Variants in MMP26 observed in about 807,000 individuals in gnomAD.
MMP26 encodes the protein matrix metalloproteinase-26.
Under a neutral mutation model 31.0 loss-of-function variants are expected in MMP26, and 33 were observed. The ratio of observed to expected loss-of-function variants is 1.06; its 90% confidence interval spans 0.81 to 1.42. The LOEUF (loss-of-function observed/expected upper bound fraction) is 1.42. MMP26 is among the 40% of genes most tolerant of loss of function. The probability of loss-of-function intolerance (pLI) is 0.00; values close to 1 mark genes in which losing one functional copy is unlikely to be tolerated. For synonymous variants in MMP26, 122 were observed against 114.9 expected (o/e 1.06, Z -0.40); for missense variants, 347 against 316.1 (o/e 1.10, Z -0.74).
intron 2 of MMP26, chr11:4,822,192 C>T: frequency 1.9e-6 from 3 of 1,602,158 alleles, no homozygotes; most frequent in Non-Finnish European, 2.6e-6. Flanking sequence ...ACCTCCCTCT[C>T]ATCAGTTTGT....
chr11:4,990,648 T>C lies in MMP26; in HGVS notation c.371T>C (p.Ile124Thr). The C allele has an allele frequency of 1.2e-6, 2 of 1,614,082 alleles. No individual in the cohort carries two copies. Among genetic ancestry groups the C allele is most frequent in the South Asian group, 1.1e-5 (1 of 91,074 alleles). Residue 124 changes from isoleucine (I) to threonine (T), a missense_variant, in exon 5 of 8, where the codon ATA becomes ACA. Coordinates refer to ENST00000380390, the MANE Select transcript of MMP26 (RefSeq NM_021801.5). ...DMKPSAVKDSIYNAVSIWSNV... is the reference protein window; with the variant it reads ...DMKPSAVKDSTYNAVSIWSNV... ...AAGCCATCCGCAGTGAAAGACAGTATATATAATGCAGTTTCCATCTGGAGC... is the reference window on the plus strand; with the variant it reads ...AAGCCATCCGCAGTGAAAGACAGTACATATAATGCAGTTTCCATCTGGAGC...
intron 2 of MMP26, among the ~76,000 whole-genome samples, chr11:4,828,720 T>G (rs1217781955): frequency 1.3e-5 from 2 of 152,214 alleles, no homozygotes; most frequent in Admixed American, 6.6e-5. Flanking sequence ...TCGACACTTA[T>G]GTGCTTCTTT....
intron 1 of MMP26, among the ~76,000 whole-genome samples, chr11:4,766,443 C>G (rs953163278): frequency 6.6e-6 from 1 of 152,100 alleles, no homozygotes; most frequent in Non-Finnish European, 1.5e-5. Flanking sequence ...TACATTTTTC[C>G]CCGGATACAG....
At chr11:4,838,753 G>A (rs1849755746) in intron 2 of MMP26, among the ~76,000 whole-genome samples, 1 of 152,132 alleles carries the variant, frequency 6.6e-6, no homozygotes, top group South Asian at 2.1e-4. Context: ...GACAGAACAA[G>A]ATGTAGGAAT....
At chr11:4,850,751 A>G (rs1202469795) in intron 2 of MMP26, among the ~76,000 whole-genome samples, 1 of 151,820 alleles carries the variant, frequency 6.6e-6, no homozygotes, top group Non-Finnish European at 1.5e-5. Flanking sequence ...TTTCAAGCTA[A>G]AAAAGGAAGA....
chr11:4,898,849 G>C (rs961981849), intron 2 of MMP26, among the ~76,000 whole-genome samples: 1,944 of 150,608 alleles, frequency 0.013, 43 homozygotes, highest in African/African-American at 0.046. Flanking sequence ...GTGTGTGTGT[G>C]TGTGTGTGTG....
At chr11:4,725,739 T>C (rs1419773399) in intron 1 of MMP26, among the ~76,000 whole-genome samples, 3 of 152,166 alleles carry the variant, frequency 2.0e-5, no homozygotes, top group Non-Finnish European at 4.4e-5. Flanking sequence ...GGACAGTGAG[T>C]GCACTGATGA....
chr11:4,966,726 C>T lies in MMP26; in HGVS notation c.-144-21342C>T, dbSNP rs998209362. 5.3e-5 allele frequency among the ~76,000 whole-genome samples: 8 copies of T among 152,216 alleles called. 1 individual carries two copies. In the East Asian group the frequency reaches 1.5e-3, roughly 29 times the overall value. ...CAAGGAAACGCTGTCTTATCTGTTA[C>T]GATGTTAGTCCATTTTGTTCATTAA... is the stretch of plus-strand genomic sequence containing the variant. On this transcript the variant is annotated intron_variant, in intron 2 of 7. Coordinates refer to ENST00000380390, the MANE Select transcript of MMP26 (RefSeq NM_021801.5).
chr11:4,712,357 A>G (rs1353009132), intron 1 of MMP26: 3 of 152,190 alleles, frequency 2.0e-5, no homozygotes, highest in Admixed American at 6.5e-5. Context: ...ACATGCTAAG[A>G]GTAGTCATAG....
chr11:4,710,418 C>T (rs1411575673), intron 1 of MMP26: 3 of 456,916 alleles, frequency 6.6e-6, no homozygotes, highest in Non-Finnish European at 1.3e-5. Flanking sequence ...TGTTTATCTG[C>T]TTATCCCTCC....
chr11:4,757,930 T>C (rs986610773), intron 1 of MMP26, among the ~76,000 whole-genome samples: 1 of 152,158 alleles, frequency 6.6e-6, no homozygotes, highest in Non-Finnish European at 1.5e-5. Flanking sequence ...ACAGCCACTT[T>C]GAAAAACAGA....
intron 2 of MMP26, among the ~76,000 whole-genome samples, chr11:4,767,615 T>C (rs1489325593): frequency 2.0e-5 from 3 of 152,208 alleles, no homozygotes; most frequent in African/African-American, 7.2e-5. Context: ...TATAAATATT[T>C]AAAAGAATTT....
At chr11:4,733,517 T>C (rs1848200153) in intron 1 of MMP26, among the ~76,000 whole-genome samples, 1 of 152,200 alleles carries the variant, frequency 6.6e-6, no homozygotes, top group South Asian at 2.1e-4. Context: ...TTTTTATTTA[T>C]CTCTTGTTCT....
chr11:4,849,190 G>C (rs775910445), intron 2 of MMP26: 9 of 1,611,162 alleles, frequency 5.6e-6, no homozygotes, highest in African/African-American at 4.0e-5. Context: ...GGGGCTATCT[G>C]AGTTGGTAAT....
intron 2 of MMP26, among the ~76,000 whole-genome samples, chr11:4,868,783 A>C (rs143232265): frequency 1.3e-5 from 2 of 152,336 alleles, no homozygotes; most frequent in African/African-American, 4.8e-5. Context: ...CAAAAGAACA[A>C]AGCTGGAGGC....
At chr11:4,940,657 C>G (rs112326220) in intron 2 of MMP26, among the ~76,000 whole-genome samples, 2,842 of 152,198 alleles carry the variant, frequency 0.019, 35 homozygotes, top group Middle Eastern at 0.037. Context: ...AAGAATAACA[C>G]AATACTTGAT....
At chr11:4,778,548 A>G (rs995071932) in intron 2 of MMP26, among the ~76,000 whole-genome samples, 3 of 151,986 alleles carry the variant, frequency 2.0e-5, no homozygotes, top group African/African-American at 7.2e-5. Context: ...GATGCCTGGT[A>G]TTATAAGAAT....
intron 2 of MMP26, among the ~76,000 whole-genome samples, chr11:4,911,721 C>T (rs1310384241): frequency 6.6e-6 from 1 of 152,166 alleles, no homozygotes; most frequent in East Asian, 1.9e-4. Flanking sequence ...TTTATAGAGG[C>T]CTTCCCTGCT....
At chr11:4,848,235 A>G in intron 2 of MMP26, 1 of 1,596,302 alleles carries the variant, frequency 6.3e-7, no homozygotes, top group East Asian at 2.2e-5. Flanking sequence ...GGGACATCCT[A>G]CTCACTGAGC....
Sources: gnomAD v4.1 joint callset for allele counts (sites outside exome capture counted in the v4.1 genomes callset) on GRCh38, gnomAD v4.1.1 for gene constraint, MANE v1.5 for transcripts, NCBI Gene and HGNC (gene_info 2026-07-23, HGNC 2026-07-21) for gene names.